DTNBP1: variants seen among roughly 807,000 people sequenced by gnomAD.
The protein encoded by DTNBP1 is dystrobrevin binding protein 1, also known as dysbindin.
In DTNBP1, 35 loss-of-function variants were observed where a neutral mutation model predicts 42.8. The observed-to-expected ratio is 0.82, with a 90% CI of 0.63 to 1.09. The LOEUF is 1.09. DTNBP1 is among the 50% of genes least tolerant of loss of function. DTNBP1 has a pLI of 0.00. For missense variants in DTNBP1, 457 were observed against 424.2 expected, an observed-to-expected ratio of 1.08 and a Z score of -0.68; for synonymous variants, 171 against 162.2, an observed-to-expected ratio of 1.05 and a Z score of -0.41.
At chr6:15,527,662 G>C (rs1022047683) in intron 8 of DTNBP1, among the ~76,000 whole-genome samples, 3 of 152,078 alleles carry the variant, frequency 2.0e-5, no homozygotes, top group African/African-American at 7.2e-5. Context: ...TGAAACAGTA[G>C]AAAGAACAAA....
intron 7 of DTNBP1, among the ~76,000 whole-genome samples, chr6:15,583,444 C>T (rs575550624): frequency 6.6e-6 from 1 of 152,154 alleles, no homozygotes; most frequent in Non-Finnish European, 1.5e-5. Context: ...GAGAAAAGTA[C>T]AAACTCCATC....
chr6:15,609,915 G>A (rs1403090982), intron 6 of DTNBP1, among the ~76,000 whole-genome samples: 2 of 152,202 alleles, frequency 1.3e-5, no homozygotes, highest in Non-Finnish European at 2.9e-5. Flanking sequence ...GGCTGGTCAA[G>A]TGCAGTTTTG....
At chr6:15,545,442 AAAG>A (rs1434577570) in intron 7 of DTNBP1, among the ~76,000 whole-genome samples, 1 of 152,224 alleles carries the variant, frequency 6.6e-6, no homozygotes, top group Non-Finnish European at 1.5e-5. Context: ...GTTTTCAAAG[AAAG>A]TTAAATGACT....
intron 6 of DTNBP1, among the ~76,000 whole-genome samples, chr6:15,610,296 T>C (rs977610173): frequency 1.3e-5 from 2 of 152,204 alleles, no homozygotes; most frequent in African/African-American, 2.4e-5. Flanking sequence ...ATTGTTGTCA[T>C]TGTTTTGGGG....
intron 3 of DTNBP1, among the ~76,000 whole-genome samples, chr6:15,643,595 G>C (rs1371076197): frequency 6.6e-6 from 1 of 152,130 alleles, no homozygotes; most frequent in East Asian, 1.9e-4. Context: ...GGACTTCTCA[G>C]CCGAAGCTTT....
At chr6:15,538,023 G>A (rs1224501795) in intron 7 of DTNBP1, among the ~76,000 whole-genome samples, 1 of 152,146 alleles carries the variant, frequency 6.6e-6, no homozygotes, top group Admixed American at 6.5e-5. Flanking sequence ...GTACTTCACA[G>A]GGGTGCAGGG....
intron 7 of DTNBP1, among the ~76,000 whole-genome samples, chr6:15,543,834 T>C (rs1380917465): frequency 3.3e-5 from 5 of 152,202 alleles, no homozygotes; most frequent in Admixed American, 2.6e-4. Context: ...CCTTGCTCTC[T>C]TTAAAAGAGA....
intron 7 of DTNBP1, among the ~76,000 whole-genome samples, chr6:15,550,715 T>C (rs1387547286): frequency 6.6e-6 from 1 of 152,224 alleles, no homozygotes; most frequent in Non-Finnish European, 1.5e-5. Flanking sequence ...TATGAATAGC[T>C]GTCTTGGTCC....
chr6:15,633,695 T>G (rs936697213), intron 4 of DTNBP1, among the ~76,000 whole-genome samples: 1 of 152,150 alleles, frequency 6.6e-6, no homozygotes, highest in South Asian at 2.1e-4. Flanking sequence ...GAAGAGTCAA[T>G]AGATGCAGCA....
chr6:15,553,587 A>G (rs1187648749), intron 7 of DTNBP1, among the ~76,000 whole-genome samples: 2 of 18,986 alleles, frequency 1.1e-4, no homozygotes, highest in African/African-American at 5.0e-4. Flanking sequence ...TGCTCTTGAC[A>G]AGTGAGCTTT....
At chr6:15,564,655 G>C (rs999970760) in intron 7 of DTNBP1, among the ~76,000 whole-genome samples, 3 of 152,070 alleles carry the variant, frequency 2.0e-5, no homozygotes, top group African/African-American at 7.2e-5. Context: ...TGATCTTTCC[G>C]CCTCAGACTC....
chr6:15,614,500 T>C (rs1439992747), intron 6 of DTNBP1, among the ~76,000 whole-genome samples: 1 of 152,144 alleles, frequency 6.6e-6, no homozygotes, highest in Non-Finnish European at 1.5e-5. Flanking sequence ...CCAGCACAGA[T>C]GACAGTCTGT....
chr6:15,523,056 TTCC>T lies in DTNBP1; in HGVS notation c.972_974del (p.Glu325del), dbSNP rs762760469. ...TGGCCAGGGCAGTGTCCACCTGAAC[TTCC>T]TCCTCATCGGACTGAACAACGGGGG... On this transcript the variant is annotated inframe_deletion, in exon 10 of 10. Coordinates refer to ENST00000344537, the MANE Select transcript of DTNBP1 (RefSeq NM_032122.5). 3.7e-5 allele frequency: 59 copies of T among 1,614,124 alleles called. No homozygotes were observed. The highest frequency in any genetic ancestry group is 1.8e-4 in the East Asian group (8 of 44,858).
At chr6:15,658,382 T>A (rs1761400095) in intron 1 of DTNBP1, among the ~76,000 whole-genome samples, 3 of 152,130 alleles carry the variant, frequency 2.0e-5, no homozygotes, top group South Asian at 4.1e-4. Flanking sequence ...GATGACTGGC[T>A]CCAACCCCCT....
intron 3 of DTNBP1, among the ~76,000 whole-genome samples, chr6:15,642,470 C>T (rs955039083): frequency 5.3e-5 from 8 of 152,146 alleles, no homozygotes; most frequent in African/African-American, 1.9e-4. Flanking sequence ...CCACCCAACG[C>T]CAGCCTACCT....
At chr6:15,532,820 C>T (rs949019843) in intron 8 of DTNBP1, among the ~76,000 whole-genome samples, 1 of 150,796 alleles carries the variant, frequency 6.6e-6, no homozygotes, top group Non-Finnish European at 1.5e-5. Flanking sequence ...GTGCTTCAGC[C>T]TCCTGAGTAG....
intron 1 of DTNBP1, among the ~76,000 whole-genome samples, chr6:15,662,331 G>A (rs1031571224): frequency 6.6e-6 from 1 of 152,226 alleles, no homozygotes; most frequent in Non-Finnish European, 1.5e-5. Context: ...CGGCGCGGAA[G>A]GCTGTGGCCG....
chr6:15,528,080 C>A (rs1284220469), intron 8 of DTNBP1, among the ~76,000 whole-genome samples: 1 of 152,202 alleles, frequency 6.6e-6, no homozygotes, highest in Non-Finnish European at 1.5e-5. Context: ...CAGAAACTTA[C>A]TGCAATTCCG....
At chr6:15,651,416 A>T (rs745897481) in intron 2 of DTNBP1, 53 bp from the exon 3 acceptor site, 35 of 1,605,528 alleles carry the variant, frequency 2.2e-5, no homozygotes, top group Non-Finnish European at 2.9e-5. Flanking sequence ...CAACTGAAAA[A>T]AAAAAAAAGG....
Sources: gnomAD v4.1 joint callset for allele counts (sites outside exome capture counted in the v4.1 genomes callset) on GRCh38, gnomAD v4.1.1 for gene constraint, MANE v1.5 for transcripts, NCBI Gene and HGNC (gene_info 2026-07-23, HGNC 2026-07-21) for gene names.